Variants in HPN observed in about 807,000 individuals in gnomAD.
HPN encodes the protein hepsin, also known as serine protease hepsin.
HPN carries 13 observed loss-of-function variants against 55.9 expected under a neutral mutation model. The observed-to-expected ratio is 0.23, with a 90% CI of 0.15 to 0.37. The LOEUF (loss-of-function observed/expected upper bound fraction) is 0.37, where lower values mean the gene tolerates loss of function less well. HPN is among the 10% of genes least tolerant of loss of function. The probability of loss-of-function intolerance (pLI) is 1.00; values close to 1 mark genes in which losing one functional copy is unlikely to be tolerated. For synonymous variants in HPN, 225 were observed against 240.3 expected, an observed-to-expected ratio of 0.94 and a Z score of 0.59; for missense variants, 451 against 575.8, an observed-to-expected ratio of 0.78 and a Z score of 2.22.
Position 35,060,328 on chromosome 19 carries a change from G to T in HPN, c.455-19G>T, listed in dbSNP as rs773739955. On this transcript the variant is annotated intron_variant, in intron 7 of 12. Coordinates refer to ENST00000672452, the MANE Select transcript of HPN (RefSeq NM_001384133.1). ...CTCCAGTCCCCTGTCGCCGCCCCCT[G>T]CTGACCCTTGTCCCACAGACTGTGG... 7.5e-6 allele frequency: 12 copies of T among 1,608,518 alleles called. No homozygotes were observed. The South Asian group carries it at 9.9e-5, about 13-fold the overall frequency.
upstream of HPN, chr19:35,041,612 C>T: frequency 8.7e-7 from 1 of 1,147,810 alleles, no homozygotes; most frequent in Non-Finnish European, 1.1e-6. Context: ...CCTGGTCCAG[C>T]CCCCACAAGC....
chr19:35,060,305 C>G, intron 7 of HPN, 42 bp from the exon 8 acceptor site: 1 of 1,607,540 alleles, frequency 6.2e-7, no homozygotes, highest in South Asian at 1.1e-5. Context: ...GACCTGGGCT[C>G]CAGTCCCCTG....
intron 4 of HPN, among the ~76,000 whole-genome samples, chr19:35,051,994 A>C (rs2064410442): frequency 6.6e-6 from 1 of 151,878 alleles, no homozygotes; most frequent in Non-Finnish European, 1.5e-5. Context: ...CTCCACCCCC[A>C]CCTCACACTG....
At chr19:35,051,147 C>T (rs1354932290) in intron 4 of HPN, among the ~76,000 whole-genome samples, 4 of 152,056 alleles carry the variant, frequency 2.6e-5, no homozygotes, top group African/African-American at 4.8e-5. Context: ...CTCGCTGTGT[C>T]GCCCAGGCAG....
intron 2 of HPN, among the ~76,000 whole-genome samples, chr19:35,043,029 G>A (rs2064309878): frequency 6.6e-6 from 1 of 152,136 alleles, no homozygotes; most frequent in African/African-American, 2.4e-5. Flanking sequence ...CCAGGCACTG[G>A]TCTGGGGCTC....
intron 12 of HPN, 101 bp downstream of exon 12, chr19:35,066,133 AG>A (rs2064606431): frequency 8.1e-6 from 13 of 1,612,998 alleles, no homozygotes; most frequent in South Asian, 1.1e-5. Flanking sequence ...GCTCAGGCCT[AG>A]AAGAGGGCCC....
At chr19:35,055,192 G>T (rs979119801) in intron 4 of HPN, among the ~76,000 whole-genome samples, 5 of 152,022 alleles carry the variant, frequency 3.3e-5, no homozygotes, top group African/African-American at 1.2e-4. Flanking sequence ...GGCTTTGCTG[G>T]GTTCTAACCT....
chr19:35,045,977 G>C (rs1268053928), intron 2 of HPN, among the ~76,000 whole-genome samples: 2 of 152,198 alleles, frequency 1.3e-5, no homozygotes, highest in East Asian at 3.9e-4. Flanking sequence ...GATGTGCCAA[G>C]GCCTCTAGGC....
At position 35,059,770 on chromosome 19, in the gene HPN, C is replaced by A; in HGVS notation, c.258C>A (p.Ala86=). The change falls in exon 5 of 13, where the codon GCC becomes GCA. Residue 86 remains alanine (A), a synonymous_variant. Coordinates refer to ENST00000672452, the MANE Select transcript of HPN (RefSeq NM_001384133.1). ...LCSSRSNARV[A]GLSCEEMGFL... is the part of the protein sequence containing the mutation. ...CCTCGCGCTCCAACGCCAGGGTAGC[C>A]GGACTCAGCTGCGAGGAGATGGGCT... 4 of 1,587,866 alleles carry A rather than the reference C, an allele frequency of 2.5e-6. No homozygotes were observed. The highest frequency in any genetic ancestry group is 3.4e-6 in the Non-Finnish European group (4 of 1,167,602).
At chr19:35,057,617 T>A (rs2064469029) in intron 4 of HPN, among the ~76,000 whole-genome samples, 1 of 152,092 alleles carries the variant, frequency 6.6e-6, no homozygotes, top group Non-Finnish European at 1.5e-5. Context: ...GACAAATAAT[T>A]CAAAATTTCC....
At chr19:35,064,916 G>C (rs934394958) in intron 9 of HPN, among the ~76,000 whole-genome samples, 21 of 152,070 alleles carry the variant, frequency 1.4e-4, no homozygotes, top group African/African-American at 5.1e-4. Context: ...CCACCTCCTG[G>C]GTTCAAGTGA....
At chr19:35,066,192 A>G (rs2145242635) in intron 12 of HPN, 57 bp from the exon 13 acceptor site, 1 of 1,613,878 alleles carries the variant, frequency 6.2e-7, no homozygotes, top group Admixed American at 1.7e-5. Flanking sequence ...AAGGGAAGCC[A>G]GTGGTGGGAC....
At chr19:35,056,074 T>C (rs1054901856) in intron 4 of HPN, among the ~76,000 whole-genome samples, 1 of 152,196 alleles carries the variant, frequency 6.6e-6, no homozygotes, top group Non-Finnish European at 1.5e-5. Flanking sequence ...TCTTTGCATC[T>C]GCAAGTCCCT....
chr19:35,041,447 A>G (rs1000191245), upstream of HPN, among the ~76,000 whole-genome samples: 13 of 151,994 alleles, frequency 8.6e-5, no homozygotes, highest in Non-Finnish European at 1.8e-4. Context: ...GGGGCCCTCC[A>G]TCTGATCTCT....
At chr19:35,059,152 G>C (rs1188337619) in intron 4 of HPN, 1 of 234,722 alleles carries the variant, frequency 4.3e-6, no homozygotes, top group East Asian at 1.4e-4. Flanking sequence ...TGATTGGTCC[G>C]ACCTGAGTCC....
At chr19:35,064,968 C>T (rs538312138) in intron 9 of HPN, among the ~76,000 whole-genome samples, 1 of 152,134 alleles carries the variant, frequency 6.6e-6, no homozygotes, top group Non-Finnish European at 1.5e-5. Context: ...ATTACAGGTG[C>T]GTGCCACCAT....
At chr19:35,048,074 A>AAGAAAGAAAGAAAGAAAG (rs2064364914) in intron 2 of HPN, among the ~76,000 whole-genome samples, 1 of 57,326 alleles carries the variant, frequency 1.7e-5, no homozygotes, top group African/African-American at 7.5e-5. Flanking sequence ...GAAAGAAAGA[A>AAGAAAGAAAGAAAGAAAG]AGAAAGAAAA....
At chr19:35,065,436 A>C (rs2064594980) in intron 10 of HPN, 91 bp downstream of exon 10, 1 of 1,566,894 alleles carries the variant, frequency 6.4e-7, no homozygotes, top group Non-Finnish European at 8.7e-7. Context: ...ATGAGTCTTG[A>C]CCATGAGGAG....
chr19:35,042,266 C>T, intron 1 of HPN, 187 bp from the exon 2 acceptor site: 1 of 1,355,650 alleles, frequency 7.4e-7, no homozygotes, highest in Non-Finnish European at 9.5e-7. Context: ...TCCAGGCGTC[C>T]CCCCGCTGCT....
Sources: allele counts gnomAD v4.1 joint callset (sites outside exome capture counted in the v4.1 genomes callset), GRCh38; gene constraint gnomAD v4.1.1; transcripts MANE v1.5; gene names NCBI Gene and HGNC (gene_info 2026-07-23, HGNC 2026-07-21).